The following SIL1 variants were observed in gnomAD, a reference collection of about 807,000 sequenced individuals.
The protein encoded by SIL1 is SIL1 nucleotide exchange factor, also known as nucleotide exchange factor SIL1.
In SIL1, 40 loss-of-function variants were observed where a neutral mutation model predicts 49.1. That is an observed-to-expected ratio of 0.81 (90% CI 0.63 to 1.06). The LOEUF (loss-of-function observed/expected upper bound fraction) is 1.06, where lower values mean the gene tolerates loss of function less well. SIL1 is among the 50% of genes least tolerant of loss of function. The pLI is 0.00. For missense variants in SIL1, 500 were observed against 572.6 expected (o/e 0.87, Z 1.29); for synonymous variants, 253 against 250.8 (o/e 1.01, Z -0.08).
chr5:139,059,605 A>G (rs572711442), intron 3 of SIL1, among the ~76,000 whole-genome samples: 1 of 152,268 alleles, frequency 6.6e-6, no homozygotes, highest in East Asian at 1.9e-4. Flanking sequence ...ACTTTCTCTA[A>G]TAATCTGTGC....
chr5:139,045,756 C>T (rs1410290540), intron 4 of SIL1, among the ~76,000 whole-genome samples: 2 of 152,186 alleles, frequency 1.3e-5, no homozygotes, highest in African/African-American at 4.8e-5. Context: ...TACCAACAAC[C>T]ACCCAGTTGC....
intron 3 of SIL1, among the ~76,000 whole-genome samples, chr5:139,095,339 A>G (rs1158802400): frequency 6.6e-6 from 1 of 150,894 alleles, no homozygotes; most frequent in Non-Finnish European, 1.5e-5. Flanking sequence ...TCTCAGCTCA[A>G]TGCAACCTCC....
At chr5:139,043,380 TTAATA>T (rs1231601738) in intron 4 of SIL1, among the ~76,000 whole-genome samples, 1 of 152,222 alleles carries the variant, frequency 6.6e-6, no homozygotes, top group Non-Finnish European at 1.5e-5. Context: ...CCCTTATCTA[TTAATA>T]TATTTTTCCA....
intron 7 of SIL1, among the ~76,000 whole-genome samples, chr5:139,012,980 T>C (rs1401201478): frequency 6.6e-6 from 1 of 152,200 alleles, no homozygotes; most frequent in East Asian, 1.9e-4. Context: ...AGTACATACA[T>C]TGTAACTATA....
intron 3 of SIL1, among the ~76,000 whole-genome samples, chr5:139,056,869 A>G (rs867304482): frequency 1.3e-5 from 2 of 152,016 alleles, no homozygotes; most frequent in Admixed American, 6.5e-5. Context: ...GTTTTGTGGA[A>G]TAGAAAGGGG....
At chr5:139,021,342 G>A (rs1363338095) in intron 6 of SIL1, 50 bp from the exon 7 acceptor site, 1 of 1,608,870 alleles carries the variant, frequency 6.2e-7, no homozygotes, top group South Asian at 1.1e-5. Context: ...GGACAGGAAA[G>A]CTGTTCTTAG....
At chr5:139,096,026 TCGCTGAAAGACG>T (rs1264221028) in intron 3 of SIL1, among the ~76,000 whole-genome samples, 4 of 152,126 alleles carry the variant, frequency 2.6e-5, no homozygotes, top group Admixed American at 1.3e-4. Flanking sequence ...TAACTCTGTG[TCGCTGAAAGACG>T]CACTGAAGAG....
chr5:139,011,220 G>C (rs1408532902), intron 7 of SIL1, among the ~76,000 whole-genome samples: 40 of 149,436 alleles, frequency 2.7e-4, no homozygotes, highest in African/African-American at 9.3e-4. Flanking sequence ...GGAGTGACCC[G>C]ATTTTCCAGG....
chr5:138,973,009 G>C (rs961630132), intron 7 of SIL1, among the ~76,000 whole-genome samples: 2 of 152,124 alleles, frequency 1.3e-5, no homozygotes, highest in Non-Finnish European at 2.9e-5. Flanking sequence ...TGGAGCTGAG[G>C]CTGGCCACAG....
chr5:139,083,473 GTCT>G (rs529576594), intron 3 of SIL1, among the ~76,000 whole-genome samples: 2,188 of 132,286 alleles, frequency 0.017, 61 homozygotes, highest in African/African-American at 0.063. Flanking sequence ...CTGCATAAAT[GTCT>G]TCTTTTGAGA....
At chr5:139,150,490 AAATT>A (rs1751275386) in intron 1 of SIL1, among the ~76,000 whole-genome samples, 1 of 152,040 alleles carries the variant, frequency 6.6e-6, no homozygotes, top group South Asian at 2.1e-4. Flanking sequence ...TCTCATGCCC[AAATT>A]ATTATAGCCA....
At chr5:139,003,596 C>T (rs1435230222) in intron 7 of SIL1, among the ~76,000 whole-genome samples, 1 of 152,174 alleles carries the variant, frequency 6.6e-6, no homozygotes, top group Non-Finnish European at 1.5e-5. Context: ...AAGCTCCTCA[C>T]ACTGTCAAGA....
chr5:138,979,483 A>G (rs972552425), intron 7 of SIL1, among the ~76,000 whole-genome samples: 1 of 152,174 alleles, frequency 6.6e-6, no homozygotes, highest in African/African-American at 2.4e-5. Flanking sequence ...TGCCTGGCAC[A>G]TAATAGGTAG....
chr5:139,168,207 C>G (rs1018593446), intron 1 of SIL1, among the ~76,000 whole-genome samples: 1 of 152,098 alleles, frequency 6.6e-6, no homozygotes. Flanking sequence ...GAGGTTTGCA[C>G]AAGGACAAAA....
At chr5:139,143,934 G>T (rs1490262178) in intron 1 of SIL1, among the ~76,000 whole-genome samples, 1 of 152,062 alleles carries the variant, frequency 6.6e-6, no homozygotes, top group Non-Finnish European at 1.5e-5. Flanking sequence ...AATAAAAGAA[G>T]ATCTCCATTT....
intron 3 of SIL1, among the ~76,000 whole-genome samples, chr5:139,056,290 C>G (rs1193560100): frequency 1.7e-4 from 26 of 151,416 alleles, no homozygotes; most frequent in Non-Finnish European, 3.7e-4. Context: ...GGCCGCCCAT[C>G]GTCTGAGATG....
At chr5:139,166,505 T>C (rs938339754) in intron 1 of SIL1, among the ~76,000 whole-genome samples, 24 of 152,202 alleles carry the variant, frequency 1.6e-4, no homozygotes, top group Middle Eastern at 6.8e-3. Flanking sequence ...TTACAAAAAA[T>C]ACAAAAATAG....
intron 1 of SIL1, among the ~76,000 whole-genome samples, chr5:139,143,427 G>A (rs1230280625): frequency 4.0e-5 from 6 of 150,642 alleles, no homozygotes; most frequent in South Asian, 2.1e-4. Flanking sequence ...TTAGAGTAGC[G>A]GGGCGTAATC....
intron 7 of SIL1, among the ~76,000 whole-genome samples, chr5:139,009,077 T>C (rs1768190665): frequency 2.0e-5 from 3 of 151,554 alleles, no homozygotes; most frequent in African/African-American, 7.3e-5. Flanking sequence ...AAGTCTCCCA[T>C]TATTATTGTG....
Sources: allele counts gnomAD v4.1 joint callset (sites outside exome capture counted in the v4.1 genomes callset), GRCh38; gene constraint gnomAD v4.1.1; transcripts MANE v1.5; gene names NCBI Gene and HGNC (gene_info 2026-07-23, HGNC 2026-07-21).